The following LPGAT1 variants were observed in gnomAD, a reference collection of about 807,000 sequenced individuals.
LPGAT1 encodes lysophosphatidylglycerol acyltransferase 1, also known as acyl-CoA:lysophosphatidylglycerol acyltransferase 1.
LPGAT1 carries 11 observed loss-of-function variants against 47.5 expected under a neutral mutation model. That is an observed-to-expected ratio of 0.23 (90% CI 0.15 to 0.38). The LOEUF is 0.38. Ranked by LOEUF, LPGAT1 falls within the 10% of genes least tolerant of loss-of-function variation. The pLI, the probability that LPGAT1 is intolerant of heterozygous loss-of-function variation, is 1.00. For missense variants in LPGAT1, 293 were observed against 439.0 expected (o/e 0.67, Z 2.97); for synonymous variants, 138 against 144.2 (o/e 0.96, Z 0.31).
At position 211,753,670 on chromosome 1, in the gene LPGAT1, C is replaced by T. The variant is rs187376908; in HGVS notation, c.855-2603G>A. 8.9e-4 allele frequency among the ~76,000 whole-genome samples: 135 copies of T among 152,242 alleles called. 3 individuals are homozygous for T. The highest frequency in any genetic ancestry group is 8.7e-3 in the Admixed American group (133 of 15,292). ...GGAGAGAAAAAGGTTAATGAACCCC[C>T]ATGTACTATTAGGAATTCTAGAAGC... On this transcript the variant is annotated intron_variant, in intron 6 of 7. Transcript: ENST00000366997.
intron 6 of LPGAT1, among the ~76,000 whole-genome samples, chr1:211,754,879 G>C (rs1204572946): frequency 6.6e-6 from 1 of 151,918 alleles, no homozygotes; most frequent in Non-Finnish European, 1.5e-5. Flanking sequence ...GCCAGGCGTG[G>C]TGGCAGGCGC....
At chr1:211,791,608 C>A (rs542764997) in intron 3 of LPGAT1, among the ~76,000 whole-genome samples, 5 of 152,010 alleles carry the variant, frequency 3.3e-5, no homozygotes, top group Non-Finnish European at 7.4e-5. Flanking sequence ...ATTAGCCAGG[C>A]ATGGTACCCG....
At position 211,830,631 on chromosome 1, in the gene LPGAT1, TGGCCGGCGGCGGGGCCGGCGG is replaced by T. The variant is rs1660705091; in HGVS notation, c.-107_-87del. ...GAGTCAGAGGAGCCGGAAGAATGCA[TGGCCGGCGGCGGGGCCGGCGG>T]AAGAAGGCGGTGGCGGGGCCCTGCC... On this transcript the variant is annotated 5_prime_UTR_variant, in exon 1 of 8. Coordinates refer to ENST00000366997, the MANE Select transcript of LPGAT1 (RefSeq NM_014873.3). This position sits in a 1 kb window ranked among gnomAD's most constrained non-coding sequence, Gnocchi z 5.9. 8.4e-7 allele frequency: 1 copy of T among 1,197,536 alleles called. No homozygotes were observed. The highest frequency in any genetic ancestry group is 1.0e-6 in the Non-Finnish European group (1 of 966,290). 74.2% of individuals were successfully genotyped at this position (1,197,536 alleles called of 1,614,324 possible). A position where few individuals can be genotyped will look rare whatever the true frequency, so the allele number is the denominator to read the frequency against.
intron 1 of LPGAT1, chr1:211,829,745 T>G: frequency 9.9e-7 from 1 of 1,005,590 alleles, no homozygotes; most frequent in Non-Finnish European, 1.2e-6. Flanking sequence ...TCCCAGATAC[T>G]GAGGACCTCA....
chr1:211,802,576 A>C (rs1466294992), intron 2 of LPGAT1, among the ~76,000 whole-genome samples: 2 of 152,146 alleles, frequency 1.3e-5, no homozygotes, highest in East Asian at 3.8e-4. Context: ...TCTCAATAGA[A>C]AAACCGAGAG....
At chr1:211,802,854 A>T (rs1237331956) in intron 2 of LPGAT1, among the ~76,000 whole-genome samples, 1 of 152,226 alleles carries the variant, frequency 6.6e-6, no homozygotes, top group South Asian at 2.1e-4. Context: ...ATTTCAAAAC[A>T]ATAAATCAAA....
chr1:211,754,650 T>C (rs1438408417), intron 6 of LPGAT1, among the ~76,000 whole-genome samples: 1 of 152,212 alleles, frequency 6.6e-6, no homozygotes, highest in East Asian at 1.9e-4. Flanking sequence ...TCCATTGCTA[T>C]TTTGGGTTTA....
intron 6 of LPGAT1, among the ~76,000 whole-genome samples, chr1:211,770,925 C>T (rs542007546): frequency 6.6e-6 from 1 of 152,070 alleles, no homozygotes; most frequent in East Asian, 1.9e-4. Context: ...GGTAAAGCCC[C>T]ATCTCTACTA....
chr1:211,777,104 ATTCT>A (rs1558263579), intron 6 of LPGAT1, among the ~76,000 whole-genome samples: 1 of 152,206 alleles, frequency 6.6e-6, no homozygotes, highest in Non-Finnish European at 1.5e-5. Context: ...AATTAAAACC[ATTCT>A]TTCTTTCCCT....
intron 2 of LPGAT1, among the ~76,000 whole-genome samples, chr1:211,820,210 A>T (rs1200395015): frequency 6.6e-6 from 1 of 152,216 alleles, no homozygotes; most frequent in Non-Finnish European, 1.5e-5. Context: ...AAATCTGGAA[A>T]TCTACCCTGG....
At chr1:211,764,444 C>T (rs1657825519) in intron 6 of LPGAT1, among the ~76,000 whole-genome samples, 1 of 152,120 alleles carries the variant, frequency 6.6e-6, no homozygotes, top group South Asian at 2.1e-4. Context: ...ATGGACACTA[C>T]CAGGGTTAGT....
chr1:211,786,363 C>A (rs748913841), intron 4 of LPGAT1, among the ~76,000 whole-genome samples: 7 of 151,032 alleles, frequency 4.6e-5, no homozygotes, highest in Non-Finnish European at 8.9e-5. Flanking sequence ...TAATTAGATT[C>A]ACCAATTATT....
intron 6 of LPGAT1, among the ~76,000 whole-genome samples, chr1:211,754,373 G>T (rs12043614): frequency 6.6e-6 from 1 of 152,242 alleles, no homozygotes; most frequent in East Asian, 1.9e-4. Context: ...CTGGCTTGGG[G>T]TTCTGTTATG....
intron 6 of LPGAT1, among the ~76,000 whole-genome samples, chr1:211,753,628 T>G (rs1387133439): frequency 1.3e-5 from 2 of 152,206 alleles, no homozygotes; most frequent in Non-Finnish European, 2.9e-5. Flanking sequence ...AATGGAAATT[T>G]TTAAACATTC....
intron 2 of LPGAT1, among the ~76,000 whole-genome samples, chr1:211,827,828 C>T (rs1558287697): frequency 1.3e-5 from 2 of 152,158 alleles, no homozygotes. Context: ...AAGGAAGCAA[C>T]GCATACACTA....
intron 2 of LPGAT1, 124 bp downstream of exon 2, chr1:211,828,935 T>G: frequency 1.1e-6 from 1 of 905,290 alleles, no homozygotes; most frequent in Non-Finnish European, 1.7e-6. Context: ...AGAACTGTTT[T>G]CTTTTTATTT....
At chr1:211,792,997 A>G in intron 3 of LPGAT1, 75 bp downstream of exon 3, 1 of 997,610 alleles carries the variant, frequency 1.0e-6, no homozygotes, top group Non-Finnish European at 1.5e-6. Flanking sequence ...GACATGAGCC[A>G]CCATGCCCGG....
intron 6 of LPGAT1, among the ~76,000 whole-genome samples, chr1:211,772,069 G>C (rs1485318220): frequency 6.6e-6 from 1 of 151,806 alleles, no homozygotes; most frequent in East Asian, 1.9e-4. Flanking sequence ...AATACTTTAG[G>C]GTCCCATTAT....
At chr1:211,752,644 C>T (rs1657250240) in intron 6 of LPGAT1, among the ~76,000 whole-genome samples, 1 of 152,188 alleles carries the variant, frequency 6.6e-6, no homozygotes, top group Non-Finnish European at 1.5e-5. Flanking sequence ...ATATACCTTT[C>T]TGGAAAGAAA....
Sources: gnomAD v4.1 joint callset for allele counts (sites outside exome capture counted in the v4.1 genomes callset) on GRCh38, gnomAD v4.1.1 for gene constraint, Gnocchi (gnomAD v3.1) non-coding constraint, MANE v1.5 for transcripts, NCBI Gene and HGNC (gene_info 2026-07-23, HGNC 2026-07-21) for gene names.